RALYL: variants seen among roughly 807,000 people sequenced by gnomAD.
RALYL encodes the protein RNA-binding Raly-like protein.
Under a neutral mutation model 35.1 loss-of-function variants are expected in RALYL, and 29 were observed. That is an observed-to-expected ratio of 0.83 (90% CI 0.61 to 1.13). The LOEUF is 1.13. Among genes scored for constraint, RALYL ranks in the 50% most tolerant of loss-of-function variants. The pLI is 0.00. For synonymous variants in RALYL, 120 were observed against 127.6 expected (o/e 0.94, Z 0.40); for missense variants, 359 against 360.4 (o/e 1.00, Z 0.03).
At chr8:84,369,792 C>T (rs1488027707) in intron 1 of RALYL, among the ~76,000 whole-genome samples, 5 of 152,080 alleles carry the variant, frequency 3.3e-5, no homozygotes, top group African/African-American at 1.2e-4. Flanking sequence ...TCTCCAATTG[C>T]AGTATATTAG....
At chr8:84,523,953 G>A (rs1430679778) in intron 1 of RALYL, among the ~76,000 whole-genome samples, 2 of 151,960 alleles carry the variant, frequency 1.3e-5, no homozygotes, top group East Asian at 1.9e-4. Context: ...CTTTGCTATT[G>A]TGAATAATGC....
At chr8:84,305,336 A>G (rs1841573040) in intron 1 of RALYL, among the ~76,000 whole-genome samples, 1 of 152,216 alleles carries the variant, frequency 6.6e-6, no homozygotes, top group Non-Finnish European at 1.5e-5. Context: ...TTCGTCTAGT[A>G]ATTCAACTGA....
chr8:84,449,287 G>C (rs1485225043), intron 1 of RALYL, among the ~76,000 whole-genome samples: 1 of 151,970 alleles, frequency 6.6e-6, no homozygotes, highest in African/African-American at 2.4e-5. Context: ...AATGGCAACA[G>C]TGGGGAGCTT....
rs71522971 is a variant in RALYL, at chr8:84,552,592, T to C, written c.256+23015T>C. ...CACTCCTGATACTCCTGGTTCATGG[T>C]GCTCCAATATTTGTTCCACTTTTCA... On this transcript the variant is annotated intron_variant, in intron 2 of 8. Coordinates refer to ENST00000521268, the MANE Select transcript of RALYL (RefSeq NM_173848.7). Among the ~76,000 whole-genome samples, 4 of 151,906 alleles carry C rather than the reference T, an allele frequency of 2.6e-5. No individual in the cohort carries two copies. In the East Asian group the frequency reaches 7.8e-4, roughly 29 times the overall value.
At chr8:84,235,876 C>A (rs972365847) in intron 1 of RALYL, among the ~76,000 whole-genome samples, 1 of 149,836 alleles carries the variant, frequency 6.7e-6, no homozygotes, top group Non-Finnish European at 1.5e-5. Context: ...AAGCGATTCT[C>A]CTGCCTCAGC....
chr8:84,609,008 G>A lies in RALYL; in HGVS notation c.256+79431G>A, dbSNP rs1352721192. On this transcript the variant is annotated intron_variant, in intron 2 of 8. Transcript: ENST00000521268. ...CAATTTGCCCCCAATCCCACAGCTA[G>A]TGCAAAGAAGAAGTTGCTTCAAACC... 2.0e-5 allele frequency among the ~76,000 whole-genome samples: 3 copies of A among 152,196 alleles called. No individual in the cohort carries two copies. The South Asian group carries it at 6.2e-4, about 31-fold the overall frequency.
chr8:84,832,801 A>C (rs920828386), intron 4 of RALYL, among the ~76,000 whole-genome samples: 2 of 152,126 alleles, frequency 1.3e-5, no homozygotes, highest in Admixed American at 6.5e-5. Flanking sequence ...CTCTTGTGGC[A>C]TATGTATCTG....
chr8:84,815,184 G>C (rs1265193263), intron 4 of RALYL, among the ~76,000 whole-genome samples: 2 of 152,138 alleles, frequency 1.3e-5, no homozygotes, highest in Non-Finnish European at 2.9e-5. Flanking sequence ...ACAGAGACCA[G>C]GATAGATGCA....
At chr8:84,188,952 T>G (rs1813192417) in intron 1 of RALYL, among the ~76,000 whole-genome samples, 1 of 152,212 alleles carries the variant, frequency 6.6e-6, no homozygotes, top group Non-Finnish European at 1.5e-5. Context: ...ATCCTGCTAT[T>G]TTTCTGGGAC....
intron 2 of RALYL, among the ~76,000 whole-genome samples, chr8:84,698,021 G>A (rs1839469009): frequency 6.6e-6 from 1 of 152,030 alleles, no homozygotes; most frequent in African/African-American, 2.4e-5. Context: ...ATTCTCAACT[G>A]TTTTCTGAAT....
intron 1 of RALYL, among the ~76,000 whole-genome samples, chr8:84,492,774 T>A (rs2055489744): frequency 6.6e-6 from 1 of 152,130 alleles, no homozygotes; most frequent in South Asian, 2.1e-4. Flanking sequence ...TATTACATAA[T>A]GTAGTTTCTT....
intron 1 of RALYL, among the ~76,000 whole-genome samples, chr8:84,304,502 A>G (rs1179328222): frequency 6.6e-6 from 1 of 152,192 alleles, no homozygotes; most frequent in Non-Finnish European, 1.5e-5. Context: ...TCTTTAGAAA[A>G]TGAGTTGTTC....
chr8:84,252,758 T>G (rs1223728552), intron 1 of RALYL, among the ~76,000 whole-genome samples: 1 of 152,078 alleles, frequency 6.6e-6, no homozygotes, highest in Non-Finnish European at 1.5e-5. Context: ...ATCCCTGAAA[T>G]AGGCCTAACT....
chr8:84,499,668 A>G (rs2056456230), intron 1 of RALYL, among the ~76,000 whole-genome samples: 1 of 151,960 alleles, frequency 6.6e-6, no homozygotes, highest in East Asian at 1.9e-4. Flanking sequence ...GACTCCTGTG[A>G]ATTGAGAGAC....
chr8:84,846,784 C>G (rs1834760396), intron 4 of RALYL, among the ~76,000 whole-genome samples: 2 of 152,096 alleles, frequency 1.3e-5, no homozygotes, highest in South Asian at 4.2e-4. Context: ...TCTAGATGTC[C>G]TATTTTGTGT....
intron 1 of RALYL, among the ~76,000 whole-genome samples, chr8:84,393,887 C>A (rs1372677896): frequency 1.3e-5 from 2 of 152,056 alleles, no homozygotes; most frequent in Admixed American, 1.3e-4. Context: ...AAATAGTAAG[C>A]ATGCAAATAA....
chr8:84,290,219 C>A (rs1426893446), intron 1 of RALYL, among the ~76,000 whole-genome samples: 2 of 152,302 alleles, frequency 1.3e-5, no homozygotes, highest in East Asian at 3.9e-4. Flanking sequence ...TACAACACAG[C>A]ACACCAAGGT....
chr8:84,765,699 C>G (rs150821274), intron 2 of RALYL, among the ~76,000 whole-genome samples: 168 of 152,066 alleles, frequency 1.1e-3, no homozygotes, highest in Middle Eastern at 3.4e-3. Flanking sequence ...TTTTCTTTAT[C>G]TCCTGAATTT....
chr8:84,709,589 C>T (rs1009530955), intron 2 of RALYL, among the ~76,000 whole-genome samples: 4 of 151,454 alleles, frequency 2.6e-5, no homozygotes, highest in Admixed American at 1.3e-4. Context: ...ATGCAGCCCT[C>T]ATTATGTTTT....
Sources: gnomAD v4.1 joint callset for allele counts (sites outside exome capture counted in the v4.1 genomes callset) on GRCh38, gnomAD v4.1.1 for gene constraint, MANE v1.5 for transcripts, NCBI Gene and HGNC (gene_info 2026-07-23, HGNC 2026-07-21) for gene names.